The following TUSC3 variants were observed in gnomAD, a reference collection of about 807,000 sequenced individuals.
TUSC3 encodes dolichyl-diphosphooligosaccharide--protein glycosyltransferase subunit TUSC3.
In TUSC3, 45 loss-of-function variants were observed where a neutral mutation model predicts 44.8. The ratio of observed to expected loss-of-function variants is 1.00; its 90% CI spans 0.79 to 1.29. The LOEUF is 1.29. TUSC3 is among the 50% of genes most tolerant of loss of function. The pLI, the probability that TUSC3 is intolerant of heterozygous loss-of-function variation, is 0.00. For synonymous variants in TUSC3, 212 were observed against 152.9 expected, an observed-to-expected ratio of 1.39 and a Z score of -2.85; for missense variants, 519 against 437.9, an observed-to-expected ratio of 1.19 and a Z score of -1.65.
chr8:15,658,797 C>T (rs896611303), intron 3 of TUSC3, among the ~76,000 whole-genome samples: 3 of 151,594 alleles, frequency 2.0e-5, no homozygotes, highest in Admixed American at 6.6e-5. Context: ...AAATAAGCAC[C>T]GTTTATACGA....
chr8:15,753,219 C>G (rs1406986404), intron 9 of TUSC3, among the ~76,000 whole-genome samples: 1 of 151,946 alleles, frequency 6.6e-6, no homozygotes, highest in African/African-American at 2.4e-5. Flanking sequence ...ATTCTACTGT[C>G]CAATTTAAAA....
At chr8:15,619,667 A>AT (rs1805155022) in intron 1 of TUSC3, among the ~76,000 whole-genome samples, 1 of 151,318 alleles carries the variant, frequency 6.6e-6, no homozygotes, top group Non-Finnish European at 1.5e-5. Context: ...AATTTTTTGT[A>AT]TTTTTTTGTT....
chr8:15,649,456 C>T (rs951219900), intron 2 of TUSC3, among the ~76,000 whole-genome samples: 7 of 152,042 alleles, frequency 4.6e-5, no homozygotes, highest in Admixed American at 2.6e-4. Flanking sequence ...TGGTGGCGGG[C>T]GCCTGTAGTC....
At chr8:15,468,565 T>A (rs1800444804) in intron 1 of TUSC3, among the ~76,000 whole-genome samples, 1 of 152,192 alleles carries the variant, frequency 6.6e-6, no homozygotes. Context: ...TATTCTTTGT[T>A]TTTTACCCTT....
intron 2 of TUSC3, among the ~76,000 whole-genome samples, chr8:15,484,206 A>G (rs1800705917): frequency 6.6e-6 from 1 of 152,150 alleles, no homozygotes; most frequent in South Asian, 2.1e-4. Flanking sequence ...ACATGCACTT[A>G]TGCAACCATA....
At chr8:15,615,513 A>G (rs556061162) in intron 1 of TUSC3, among the ~76,000 whole-genome samples, 1 of 152,328 alleles carries the variant, frequency 6.6e-6, no homozygotes, top group East Asian at 1.9e-4. Flanking sequence ...TTTAGCCACA[A>G]AATTACAGAT....
intron 2 of TUSC3, among the ~76,000 whole-genome samples, chr8:15,531,169 G>A (rs1389884369): frequency 6.6e-6 from 1 of 152,166 alleles, no homozygotes; most frequent in Non-Finnish European, 1.5e-5. Flanking sequence ...TAAAATCCCA[G>A]GTTCAAAGTC....
chr8:15,744,595 C>CTAAA, intron 8 of TUSC3, among the ~76,000 whole-genome samples: 1 of 152,172 alleles, frequency 6.6e-6, no homozygotes. Flanking sequence ...ATAGTGCTTT[C>CTAAA]TAAATACTTA....
chr8:15,444,939 G>T lies in TUSC3; in HGVS notation n.91+27634G>T, dbSNP rs138677734. Among the ~76,000 whole-genome samples, 740 of 152,232 alleles carry T rather than the reference G, an allele frequency of 4.9e-3. 6 individuals carry two copies. The highest frequency in any genetic ancestry group is 0.017 in the African/African-American group (700 of 41,532). On this transcript the variant is annotated intron_variant and non_coding_transcript_variant, in intron 1 of 5. Coordinates refer to the TUSC3 transcript ENST00000503191. Reference sequence around the variant, plus strand: ...GGTAAGAGCAGAGCGCTGGTGCTGTGCACTCTACGAACTTCAGATGCAGGA... The same window carrying T: ...GGTAAGAGCAGAGCGCTGGTGCTGTTCACTCTACGAACTTCAGATGCAGGA...
At chr8:15,840,317 G>C in the TUSC3 span, among the ~76,000 whole-genome samples, 2 of 152,012 alleles carry the variant, frequency 1.3e-5, no homozygotes, top group Non-Finnish European at 2.9e-5. Context: ...CATGGCACAT[G>C]TATACATATG....
At chr8:15,844,763 A>G in the TUSC3 span, among the ~76,000 whole-genome samples, 85,251 of 151,852 alleles carry the variant, frequency 0.56, 26,428 homozygotes, top group Non-Finnish European at 0.71. Context: ...TCTACTTTAG[A>G]TTACCAACCT....
intron 1 of TUSC3, among the ~76,000 whole-genome samples, chr8:15,456,460 A>G (rs2129121184): frequency 6.6e-6 from 1 of 152,338 alleles, no homozygotes. Flanking sequence ...TAGCCAAGAC[A>G]CTATGGAAGA....
At chr8:15,457,879 A>ATAC (rs1040609999) in intron 1 of TUSC3, among the ~76,000 whole-genome samples, 1 of 146,888 alleles carries the variant, frequency 6.8e-6, no homozygotes, top group South Asian at 2.1e-4. Context: ...TAATTAGATA[A>ATAC]TTACTAATTA....
At chr8:15,775,990 C>G in the TUSC3 span, among the ~76,000 whole-genome samples, 6 of 151,800 alleles carry the variant, frequency 4.0e-5, no homozygotes, top group Non-Finnish European at 8.8e-5. Flanking sequence ...AATAATTTCT[C>G]AATTCCTAAA....
the TUSC3 span, among the ~76,000 whole-genome samples, chr8:15,810,848 T>G: frequency 6.6e-6 from 1 of 152,084 alleles, no homozygotes; most frequent in Non-Finnish European, 1.5e-5. Context: ...GAGTCTGACG[T>G]AAAGATCCGC....
the TUSC3 span, among the ~76,000 whole-genome samples, chr8:15,799,124 C>G: frequency 6.6e-6 from 1 of 152,056 alleles, no homozygotes; most frequent in African/African-American, 2.4e-5. Flanking sequence ...CAACAAAACC[C>G]AAAACAAAAA....
chr8:15,716,569 C>T (rs902162261), intron 6 of TUSC3, among the ~76,000 whole-genome samples: 5 of 152,004 alleles, frequency 3.3e-5, no homozygotes, highest in African/African-American at 1.2e-4. Flanking sequence ...CACTGATACA[C>T]GTGTGATACA....
At chr8:15,455,535 C>T (rs1291627493) in intron 1 of TUSC3, among the ~76,000 whole-genome samples, 1 of 152,040 alleles carries the variant, frequency 6.6e-6, no homozygotes, top group Non-Finnish European at 1.5e-5. Context: ...CATACAGAGG[C>T]ACACATATAT....
chr8:15,461,702 C>T (rs1298417764), intron 1 of TUSC3, among the ~76,000 whole-genome samples: 2 of 150,034 alleles, frequency 1.3e-5, no homozygotes, highest in African/African-American at 2.5e-5. Context: ...CATTGAGTTA[C>T]GTCCCTTGTG....
Sources: gnomAD v4.1 joint callset for allele counts (sites outside exome capture counted in the v4.1 genomes callset) on GRCh38, gnomAD v4.1.1 for gene constraint, MANE v1.5 for transcripts, NCBI Gene and HGNC (gene_info 2026-07-23, HGNC 2026-07-21) for gene names.